Variants in CILK1 observed in about 807,000 individuals in gnomAD.
CILK1 encodes serine/threonine-protein kinase ICK.
Under a neutral mutation model 79.2 loss-of-function variants are expected in CILK1, and 47 were observed. That is an observed-to-expected ratio of 0.59 (90% CI 0.47 to 0.76). CILK1 has a LOEUF of 0.76. Among genes scored for constraint, CILK1 ranks in the 30% least tolerant of loss-of-function variants. The pLI, the probability that CILK1 is intolerant of heterozygous loss-of-function variation, is 0.00. For synonymous variants in CILK1, 266 were observed against 275.9 expected (o/e 0.96, Z 0.36); for missense variants, 660 against 769.5 (o/e 0.86, Z 1.68).
Position 53,012,213 on chromosome 6 carries a change from G to C in CILK1, c.1167C>G (p.Gly389=), listed in dbSNP as rs757135901. 6.2e-7 allele frequency: 1 copy of C among 1,614,050 alleles called. No individual in the cohort carries two copies. The highest frequency in any genetic ancestry group is 1.7e-5 in the Admixed American group (1 of 60,008). The change falls in exon 10 of 14, where the codon GGC becomes GGG. Residue 389 remains glycine, a synonymous_variant. Transcript: ENST00000676107. The part of the protein sequence containing the change: ...NKHPQSKITA[G]LEHKNGEIKP... ...TTATCTCACCATTTTTGTGCTCCAGGCCAGCTGTGATTTTCTGTGTAAACA... is the reference window on the plus strand; with the variant it reads ...TTATCTCACCATTTTTGTGCTCCAGCCCAGCTGTGATTTTCTGTGTAAACA...
At chr6:53,060,576 C>G (rs1419467932) in intron 1 of CILK1, among the ~76,000 whole-genome samples, 1 of 152,220 alleles carries the variant, frequency 6.6e-6, no homozygotes, top group African/African-American at 2.4e-5. Context: ...TAGTGTTTTA[C>G]AAGTCCTGGT....
At chr6:53,018,540 C>A (rs373257028) in intron 6 of CILK1, 39 bp from the exon 7 acceptor site, 2 of 1,580,220 alleles carry the variant, frequency 1.3e-6, no homozygotes, top group Non-Finnish European at 1.7e-6. Context: ...ATTGCTTCCA[C>A]CACTCAGACA....
At chr6:53,044,367 G>A (rs1272051595) in intron 1 of CILK1, among the ~76,000 whole-genome samples, 2 of 152,188 alleles carry the variant, frequency 1.3e-5, no homozygotes, top group African/African-American at 4.8e-5. Flanking sequence ...ATCTGAGGTG[G>A]AGCAGTTTCA....
intron 2 of CILK1, among the ~76,000 whole-genome samples, chr6:53,040,393 T>C (rs1766620939): frequency 1.3e-5 from 2 of 152,242 alleles, no homozygotes; most frequent in South Asian, 4.1e-4. Flanking sequence ...GTAAGCTGCT[T>C]TTTAGATGCC....
At chr6:53,016,379 A>G in intron 7 of CILK1, 129 bp from the exon 8 acceptor site, 1 of 806,392 alleles carries the variant, frequency 1.2e-6, no homozygotes, top group Admixed American at 1.9e-5. Flanking sequence ...AACCACCCAC[A>G]TTCACTACTG....
chr6:53,043,480 CCA>C (rs1265282595), intron 1 of CILK1, among the ~76,000 whole-genome samples: 2 of 152,020 alleles, frequency 1.3e-5, no homozygotes, highest in Admixed American at 6.6e-5. Flanking sequence ...AGATCAAGCC[CCA>C]CTCTACCCAC....
intron 9 of CILK1, among the ~76,000 whole-genome samples, chr6:53,013,395 C>T (rs543173305): frequency 4.8e-4 from 73 of 152,294 alleles, no homozygotes; most frequent in African/African-American, 1.7e-3. Flanking sequence ...AGATTTGAGC[C>T]CCTGGCAGTC....
chr6:53,043,531 C>T (rs562460744), intron 1 of CILK1, among the ~76,000 whole-genome samples: 3 of 152,192 alleles, frequency 2.0e-5, no homozygotes, highest in Non-Finnish European at 4.4e-5. Flanking sequence ...CACTGTAAGG[C>T]CTCTGGTTGG....
At chr6:53,019,836 T>G (rs551795810) in intron 5 of CILK1, among the ~76,000 whole-genome samples, 17,528 of 151,300 alleles carry the variant, frequency 0.12, 1,435 homozygotes, top group African/African-American at 0.22. Context: ...TTTTTTGTTT[T>G]TTTTTTTTTT....
chr6:53,045,069 G>T lies in CILK1; in HGVS notation c.-172-3661C>A, dbSNP rs184669329. ...TAAAAATTTCAATTATCCCTAAAAT[G>T]GTAGAAGAAGGGAAATTTTTTAAAG... On this transcript the variant is annotated intron_variant, in intron 1 of 13. Coordinates refer to ENST00000676107, the MANE Select transcript of CILK1 (RefSeq NM_014920.5). Among the ~76,000 whole-genome samples the T allele has an allele frequency of 2.6e-5, 4 of 152,224 alleles. No homozygotes were observed. The East Asian group carries it at 7.7e-4, about 29-fold the overall frequency.
chr6:53,034,495 T>G (rs1581730213), intron 3 of CILK1, among the ~76,000 whole-genome samples: 1 of 151,876 alleles, frequency 6.6e-6, no homozygotes. Flanking sequence ...TGTGTCAGAG[T>G]GGAGAAGCAG....
chr6:53,013,577 T>C lies in CILK1; in HGVS notation c.1152+85A>G. 5 of 1,355,122 alleles carry C rather than the reference T, an allele frequency of 3.7e-6. No individual in the cohort carries two copies. The South Asian group carries it at 5.9e-5, about 16-fold the overall frequency. 83.9% of individuals were successfully genotyped at this position (1,355,122 alleles called of 1,614,324 possible). On this transcript the variant is annotated intron_variant, in intron 9 of 13. Transcript: ENST00000676107. The stretch of plus-strand genomic sequence containing the variant: ...TCTACCATAACTGGACCCTGTATAC[T>C]GAAAAAGAAAATATTTCACACAATA...
chr6:53,043,582 C>G (rs1766854801), intron 1 of CILK1, among the ~76,000 whole-genome samples: 2 of 152,100 alleles, frequency 1.3e-5, no homozygotes, highest in Non-Finnish European at 2.9e-5. Context: ...GATCAGACTC[C>G]CTACAACCTC....
Position 53,006,357 on chromosome 6 carries a change from T to G in CILK1, c.1702A>C (p.Met568Leu), listed in dbSNP as rs145842629. The change falls in exon 13 of 14, where the codon ATG becomes CTG. Residue 568 changes from methionine to leucine, a missense_variant. By Grantham distance (15) the Met-to-Leu change is conservative. Transcript: ENST00000676107. ...ATAGGTGCTAGGTGTACCCTCTGCATAGCAGAACCGATTTCTTTTTTCAGA... is the reference window on the plus strand; with the variant it reads ...ATAGGTGCTAGGTGTACCCTCTGCAGAGCAGAACCGATTTCTTTTTTCAGA... Reference protein sequence around the residue: ...SFLKKEIGSAMQRVHLAPIPD... With the variant: ...SFLKKEIGSALQRVHLAPIPD... The G allele has an allele frequency of 1.9e-6, 3 of 1,613,548 alleles. No homozygotes were observed. The African/African-American group carries it at 4.0e-5, about 22-fold the overall frequency.
At chr6:53,021,721 C>T (rs1159269743) in intron 5 of CILK1, among the ~76,000 whole-genome samples, 1 of 151,082 alleles carries the variant, frequency 6.6e-6, no homozygotes, top group Non-Finnish European at 1.5e-5. Flanking sequence ...TATAATGAAG[C>T]TGAAAAATCC....
intron 5 of CILK1, among the ~76,000 whole-genome samples, chr6:53,026,157 GTTTGTTTTTTGTTTTGT>G (rs1383922900): frequency 6.6e-6 from 1 of 151,958 alleles, no homozygotes; most frequent in African/African-American, 2.4e-5. Context: ...TTTTTTGTTT[GTTTGTTTTTTGTTTTGT>G]TTTGTTTTGA....
intron 1 of CILK1, among the ~76,000 whole-genome samples, chr6:53,059,598 A>G (rs576211860): frequency 6.6e-6 from 1 of 152,352 alleles, no homozygotes; most frequent in African/African-American, 2.4e-5. Context: ...CTGCAGTGGC[A>G]AGAAGCCTGG....
chr6:53,017,049 G>C (rs1445382128), intron 7 of CILK1, among the ~76,000 whole-genome samples: 1 of 152,184 alleles, frequency 6.6e-6, no homozygotes, highest in Non-Finnish European at 1.5e-5. Context: ...TCTTAAAAGA[G>C]AAAAGAGCAT....
chr6:53,053,567 C>G (rs192071220), intron 1 of CILK1, among the ~76,000 whole-genome samples: 10 of 152,102 alleles, frequency 6.6e-5, no homozygotes, highest in Non-Finnish European at 1.0e-4. Context: ...CTAGATTATA[C>G]GACTAATGTG....
Sources: allele counts gnomAD v4.1 joint callset (sites outside exome capture counted in the v4.1 genomes callset), GRCh38; gene constraint gnomAD v4.1.1; transcripts MANE v1.5; gene names NCBI Gene and HGNC (gene_info 2026-07-23, HGNC 2026-07-21).